The following SCAP variants were observed in gnomAD, a reference collection of about 807,000 sequenced individuals.
SCAP encodes the protein sterol regulatory element-binding protein cleavage-activating protein.
Under a neutral mutation model 123.6 loss-of-function variants are expected in SCAP, and 65 were observed. That is an observed-to-expected ratio of 0.53 (90% CI 0.43 to 0.65). SCAP has a LOEUF of 0.65. Ranked by LOEUF, SCAP falls within the 30% of genes least tolerant of loss-of-function variation. The pLI, the probability that SCAP is intolerant of heterozygous loss-of-function variation, is 0.00. For synonymous variants in SCAP, 740 were observed against 726.3 expected (o/e 1.02, Z -0.30); for missense variants, 1,398 against 1,712.5 (o/e 0.82, Z 3.24).
chr3:47,429,521 A>G (rs1706276865), intron 3 of SCAP, among the ~76,000 whole-genome samples: 1 of 152,124 alleles, frequency 6.6e-6, no homozygotes, highest in African/African-American at 2.4e-5. Flanking sequence ...CTAATTTTCA[A>G]AAATGTTTTG....
intron 3 of SCAP, among the ~76,000 whole-genome samples, chr3:47,432,539 G>A (rs2107852090): frequency 6.6e-6 from 1 of 152,162 alleles, no homozygotes; most frequent in Non-Finnish European, 1.5e-5. Context: ...CCCACACCAC[G>A]CGTATGCAAT....
rs758579693 is a variant in SCAP at position 47,414,990 on chromosome 3, G to C, written c.3143C>G (p.Thr1048Ser). The change falls in exon 20 of 23, where the codon ACC (threonine) becomes AGC (serine). Residue 1048 changes from threonine (T) to serine (S), a missense_variant. By Grantham distance (58) the Thr-to-Ser change is moderately conservative (BLOSUM62 1). Around this residue, in one of 7 missense-constraint regions of SCAP, gnomAD observed 828 missense variants for 882.5 expected, o/e 0.94. Transcript: ENST00000265565. ...GGCAGGGGAACTGCCCCGCCCTGGG[G>C]TCCCTGAGGACAAAAGGCCAAGTGA... Reference protein sequence around the residue: ...TALSPLQFRGTPGRGSSPASP... With the variant: ...TALSPLQFRGSPGRGSSPASP... 3 of 1,588,726 alleles carry C rather than the reference G, an allele frequency of 1.9e-6. No homozygotes were observed. Among genetic ancestry groups the C allele is most frequent in the Non-Finnish European group, 2.6e-6 (3 of 1,169,012 alleles).
rs145215344 is a variant in SCAP, at chr3:47,442,550, C to T, written c.122+322G>A. On this transcript the variant is annotated intron_variant, in intron 2 of 22. Transcript: ENST00000265565. ...CACTTAACCAGGTACTAAAACGAAA[C>T]CACTACTATTGAGAAAGAAAACTGA... Among the ~76,000 whole-genome samples, 4 of 152,298 alleles carry T rather than the reference C, an allele frequency of 2.6e-5. No individual in the cohort carries two copies. The East Asian group carries it at 5.8e-4, about 22-fold the overall frequency.
At chr3:47,427,375 T>C (rs1247880365) in intron 5 of SCAP, 72 bp downstream of exon 5, 3 of 1,567,150 alleles carry the variant, frequency 1.9e-6, no homozygotes, top group Non-Finnish European at 2.6e-6. Context: ...CTGATCTGCC[T>C]AAGCACACAT....
At chr3:47,466,032 C>G (rs1206780056) in intron 1 of SCAP, among the ~76,000 whole-genome samples, 1 of 150,244 alleles carries the variant, frequency 6.7e-6, no homozygotes, top group Non-Finnish European at 1.5e-5. Flanking sequence ...ACTCAGGAGG[C>G]TGAGGCAGGA....
rs751093608 is a variant in SCAP at position 47,427,160 on chromosome 3, G to A, written c.734C>T (p.Ala245Val). 31 of 1,610,154 alleles carry A rather than the reference G, an allele frequency of 1.9e-5. No individual in the cohort carries two copies. In the African/African-American group the frequency reaches 3.9e-4, roughly 20 times the overall value. ...CCCAGGGTACTGTCAATCTTACTTGGCATGGTAGTGCTGGAAGACCAGGGT... is the reference window on the plus strand; with the variant it reads ...CCCAGGGTACTGTCAATCTTACTTGACATGGTAGTGCTGGAAGACCAGGGT... Reference protein sequence around the residue: ...TITLVFQHYHAKFLGSLRARL... With the variant: ...TITLVFQHYHVKFLGSLRARL... The change falls in exon 6 of 23, where the codon GCC (alanine) becomes GTC (valine). Residue 245 changes from alanine to valine, a missense_variant. By Grantham distance (64) the Ala-to-Val change is moderately conservative. Transcript: ENST00000265565.
Position 47,418,843 on chromosome 3 carries a change from C to T in SCAP, c.1941G>A (p.Arg647=), listed in dbSNP as rs760357260. The T allele has an allele frequency of 6.6e-7, 1 of 1,520,310 alleles. No homozygotes were observed. Among genetic ancestry groups the T allele is most frequent in the Non-Finnish European group, 8.8e-7 (1 of 1,137,344 alleles). 94.2% of individuals were successfully genotyped at this position (1,520,310 alleles called of 1,614,324 possible). A position where few individuals can be genotyped will look rare whatever the true frequency, so the allele number is the denominator to read the frequency against. Residue 647 remains arginine, a splice_region_variant and synonymous_variant, in exon 14 of 23, where the codon AGG becomes AGA. Transcript: ENST00000265565. ...GGATGACGGGCAGCAGGCTGATGTA[C>T]CTGGATTCGGACAGTGGGCAGCCTC... ...FSYYNITLAK[R]YISLLPVIPV... is the part of the protein sequence containing the mutation.
chr3:47,444,750 C>A (rs528420584), intron 1 of SCAP, among the ~76,000 whole-genome samples: 7 of 151,786 alleles, frequency 4.6e-5, no homozygotes, highest in South Asian at 2.1e-4. Flanking sequence ...GCTGGGATTA[C>A]AGGCACGAAC....
At chr3:47,459,107 G>T (rs535719047) in intron 1 of SCAP, among the ~76,000 whole-genome samples, 1 of 152,212 alleles carries the variant, frequency 6.6e-6, no homozygotes, top group South Asian at 2.1e-4. Flanking sequence ...ACCCAGCCAA[G>T]AATCTGTTTT....
At position 47,419,193 on chromosome 3, in the gene SCAP, C is replaced by G. The variant is rs1489628350; in HGVS notation, c.1940+135G>C. ...CTTGGGTTATAGCTGCCTAAACCACCAGTTCCCACCTCACAACCTTATGAA... is the reference window on the plus strand; with the variant it reads ...CTTGGGTTATAGCTGCCTAAACCACGAGTTCCCACCTCACAACCTTATGAA... On this transcript the variant is annotated intron_variant, in intron 13 of 22. Coordinates refer to ENST00000265565, the MANE Select transcript of SCAP (RefSeq NM_012235.4). The surrounding 1 kb of genome is among the most constrained non-coding windows in gnomAD (Gnocchi z 5.0). The G allele has an allele frequency of 8.2e-7, 1 of 1,223,312 alleles. No individual in the cohort carries two copies. Among genetic ancestry groups the G allele is most frequent in the Non-Finnish European group, 1.1e-6 (1 of 899,376 alleles). The allele number at this position is 1,223,312 out of a possible 1,614,324, so 75.8% of individuals were successfully genotyped here. A position where few individuals can be genotyped will look rare whatever the true frequency, so the allele number is the denominator to read the frequency against.
At chr3:47,434,945 C>T in intron 3 of SCAP, 63 bp downstream of exon 3, 5 of 1,610,318 alleles carry the variant, frequency 3.1e-6, no homozygotes, top group Non-Finnish European at 4.2e-6. Flanking sequence ...CTGGCAGACC[C>T]CTGCCTCAGC....
chr3:47,443,225 T>C, intron 1 of SCAP, 134 bp from the exon 2 acceptor site: 1 of 467,988 alleles, frequency 2.1e-6, no homozygotes, highest in Non-Finnish European at 3.8e-6. Context: ...GTGACCTCAA[T>C]CCCAAAATAC....
At chr3:47,427,815 G>A in intron 4 of SCAP, 148 bp from the exon 5 acceptor site, 1 of 680,698 alleles carries the variant, frequency 1.5e-6, no homozygotes. Flanking sequence ...GGCAGCAGGG[G>A]GAAGTACTTC....
intron 1 of SCAP, among the ~76,000 whole-genome samples, chr3:47,447,603 G>T (rs551616921): frequency 1.3e-5 from 2 of 151,730 alleles, no homozygotes; most frequent in South Asian, 4.2e-4. Context: ...CAGGAGAATT[G>T]CTTAAACCCG....
intron 9 of SCAP, among the ~76,000 whole-genome samples, chr3:47,423,356 T>G (rs1467278412): frequency 6.6e-6 from 1 of 152,208 alleles, no homozygotes; most frequent in African/African-American, 2.4e-5. Flanking sequence ...GGGCCTAGTG[T>G]GCTGGAGTGA....
At chr3:47,417,894 G>GGGGAGAGGGGGGGGGGGAGAA in intron 16 of SCAP, 68 bp from the exon 17 acceptor site, 1 of 161,224 alleles carries the variant, frequency 6.2e-6, no homozygotes, top group Non-Finnish European at 1.1e-5. Context: ...GGGGGACGGG[G>GGGGAGAGGGGGGGGGGGAGAA]GTGAGAGGGG....
At chr3:47,472,913 T>C (rs1435592707) in intron 1 of SCAP, among the ~76,000 whole-genome samples, 2 of 151,468 alleles carry the variant, frequency 1.3e-5, no homozygotes, top group Non-Finnish European at 2.9e-5. Flanking sequence ...AAACCTCGCC[T>C]CTACTAAAAA....
At position 47,414,207 on chromosome 3, in the gene SCAP, T is replaced by C. The variant is rs762373132; in HGVS notation, c.3567A>G (p.Thr1189=). 4 of 1,613,746 alleles carry C rather than the reference T, an allele frequency of 2.5e-6. No homozygotes were observed. The highest frequency in any genetic ancestry group is 3.4e-6 in the Non-Finnish European group (4 of 1,180,022). Residue 1189 remains threonine (T), a synonymous_variant, in exon 22 of 23, where the codon ACA becomes ACG. Transcript: ENST00000265565. The stretch of plus-strand genomic sequence containing the variant: ...GCTGAATGGAGTAGAACTTGATGCC[T>C]GTGCTGCGGTCCCAGATGCTGATGA... ...DDLISIWDRS[T]GIKFYSIQQD...
chr3:47,418,717 G>A lies in SCAP; in HGVS notation c.2067C>T (p.His689=), dbSNP rs778821280. Residue 689 remains histidine, a synonymous_variant, in exon 14 of 23, where the codon CAC becomes CAT. Coordinates refer to ENST00000265565, the MANE Select transcript of SCAP (RefSeq NM_012235.4). ...WPPPGPIPAG[H]WEAGPKGPGG... is the part of the protein sequence containing the mutation. ...CTGGGCCCTTGGGTCCTGCTTCCCA[G>A]TGCCCAGCAGGTATGGGCCCCGGTG... The A allele has an allele frequency of 1.2e-5, 19 of 1,569,790 alleles. No homozygotes were observed. The highest frequency in any genetic ancestry group is 1.7e-4 in the Middle Eastern group (1 of 5,876).
Sources: gnomAD v4.1 joint callset for allele counts (sites outside exome capture counted in the v4.1 genomes callset) on GRCh38, gnomAD v4.1.1 for gene constraint, gnomAD v4.1.1 regional missense constraint, Gnocchi (gnomAD v3.1) non-coding constraint, MANE v1.5 for transcripts, NCBI Gene and HGNC (gene_info 2026-07-23, HGNC 2026-07-21) for gene names.